Variants in ARHGAP15 observed in about 807,000 individuals in gnomAD.
ARHGAP15 encodes the protein rho GTPase-activating protein 15.
In ARHGAP15, 51 loss-of-function variants were observed where a neutral mutation model predicts 63.7. That is an observed-to-expected ratio of 0.80 (90% CI 0.64 to 1.01). ARHGAP15 has a LOEUF of 1.01. ARHGAP15 is among the 50% of genes least tolerant of loss of function. ARHGAP15 has a pLI of 0.00. For missense variants in ARHGAP15, 560 were observed against 564.6 expected, an observed-to-expected ratio of 0.99 and a Z score of 0.08; for synonymous variants, 191 against 193.8, an observed-to-expected ratio of 0.99 and a Z score of 0.12.
intron 12 of ARHGAP15, among the ~76,000 whole-genome samples, chr2:143,684,214 C>A (rs1683226542): frequency 6.6e-6 from 1 of 152,118 alleles, no homozygotes; most frequent in Non-Finnish European, 1.5e-5. Context: ...ATCGTTAACA[C>A]AAAACAAGCA....
At chr2:143,300,967 G>A (rs1682866452) in intron 6 of ARHGAP15, among the ~76,000 whole-genome samples, 1 of 151,942 alleles carries the variant, frequency 6.6e-6, no homozygotes, top group Non-Finnish European at 1.5e-5. Flanking sequence ...TAATGTGTAT[G>A]CAATGTCTGA....
At chr2:143,526,499 T>G (rs2105002891) in intron 10 of ARHGAP15, among the ~76,000 whole-genome samples, 2 of 152,234 alleles carry the variant, frequency 1.3e-5, no homozygotes, top group East Asian at 3.9e-4. Flanking sequence ...TTATTGTGTA[T>G]GGGGAATTTA....
At chr2:143,166,001 A>AGAAAGAAGGAAG (rs70982847) in intron 2 of ARHGAP15, among the ~76,000 whole-genome samples, 7,684 of 98,604 alleles carry the variant, frequency 0.078, 344 homozygotes, top group East Asian at 0.13. Context: ...AAAGAAAGAA[A>AGAAAGAAGGAAG]GAAGGAAGGA....
chr2:143,430,912 C>T (rs1445233770), intron 6 of ARHGAP15, among the ~76,000 whole-genome samples: 1 of 151,864 alleles, frequency 6.6e-6, no homozygotes, highest in African/African-American at 2.4e-5. Flanking sequence ...ATTTCAGTTT[C>T]ACTAAAATGG....
chr2:143,248,082 AAC>A (rs781015426), intron 5 of ARHGAP15, among the ~76,000 whole-genome samples: 65 of 152,332 alleles, frequency 4.3e-4, no homozygotes, highest in Non-Finnish European at 7.5e-4. Context: ...TAGTGGGGGA[AAC>A]ACAGACAGTC....
intron 6 of ARHGAP15, among the ~76,000 whole-genome samples, chr2:143,306,792 C>G (rs1048285205): frequency 3.9e-5 from 6 of 152,112 alleles, no homozygotes; most frequent in African/African-American, 1.4e-4. Flanking sequence ...CCATCCCTTT[C>G]CCCCAAATCC....
intron 2 of ARHGAP15, among the ~76,000 whole-genome samples, chr2:143,181,682 C>T (rs1691240105): frequency 6.6e-6 from 1 of 152,336 alleles, no homozygotes; most frequent in East Asian, 1.9e-4. Context: ...GGGTTAGGGC[C>T]TTGCCCTCAA....
chr2:143,622,518 T>C (rs1698680337), intron 11 of ARHGAP15, among the ~76,000 whole-genome samples: 1 of 152,124 alleles, frequency 6.6e-6, no homozygotes, highest in African/African-American at 2.4e-5. Context: ...TGTCGGCCTA[T>C]TTCAATAGTG....
chr2:143,395,874 G>T (rs1176980013), intron 6 of ARHGAP15, among the ~76,000 whole-genome samples: 1 of 151,892 alleles, frequency 6.6e-6, no homozygotes, highest in Non-Finnish European at 1.5e-5. Context: ...TTTTATCTAT[G>T]AACAGTGAGA....
chr2:143,391,221 C>G (rs1374069260), intron 6 of ARHGAP15, among the ~76,000 whole-genome samples: 1 of 152,132 alleles, frequency 6.6e-6, no homozygotes, highest in African/African-American at 2.4e-5. Context: ...GGCATTAATT[C>G]CCTCCTGTAC....
intron 12 of ARHGAP15, among the ~76,000 whole-genome samples, chr2:143,657,999 C>T (rs947204757): frequency 7.2e-5 from 11 of 152,210 alleles, no homozygotes; most frequent in African/African-American, 2.4e-4. Context: ...CATCCCTATG[C>T]GGCCACATCA....
chr2:143,390,201 C>T (rs895488771), intron 6 of ARHGAP15, among the ~76,000 whole-genome samples: 2 of 152,154 alleles, frequency 1.3e-5, no homozygotes, highest in African/African-American at 4.8e-5. Flanking sequence ...CACTTTCCCT[C>T]TCCTGCATAG....
At chr2:143,508,348 A>G (rs944007340) in intron 9 of ARHGAP15, among the ~76,000 whole-genome samples, 3 of 152,210 alleles carry the variant, frequency 2.0e-5, no homozygotes, top group Non-Finnish European at 4.4e-5. Flanking sequence ...GGCAACACCA[A>G]TAGCTCTCTG....
chr2:143,500,609 A>G (rs996285788), intron 9 of ARHGAP15, among the ~76,000 whole-genome samples: 1 of 152,226 alleles, frequency 6.6e-6, no homozygotes, highest in African/African-American at 2.4e-5. Context: ...GTCAATGTTT[A>G]CAAGAAAATG....
chr2:143,274,571 A>G (rs1191871876), intron 6 of ARHGAP15, among the ~76,000 whole-genome samples: 1 of 152,216 alleles, frequency 6.6e-6, no homozygotes, highest in African/African-American at 2.4e-5. Context: ...TAGCCTTGTT[A>G]TCAGGTTGTA....
intron 6 of ARHGAP15, among the ~76,000 whole-genome samples, chr2:143,308,138 G>A (rs1683262125): frequency 6.6e-6 from 1 of 152,096 alleles, no homozygotes; most frequent in Admixed American, 6.6e-5. Flanking sequence ...TGAGGTAGAG[G>A]AGAATGGAGA....
chr2:143,500,294 A>G (rs1033500271), intron 9 of ARHGAP15, among the ~76,000 whole-genome samples: 3 of 151,232 alleles, frequency 2.0e-5, no homozygotes, highest in Non-Finnish European at 4.4e-5. Context: ...TTATATAGCT[A>G]ACTGATTAAA....
intron 8 of ARHGAP15, among the ~76,000 whole-genome samples, chr2:143,480,503 G>A (rs1395354369): frequency 6.6e-6 from 1 of 152,144 alleles, no homozygotes; most frequent in Admixed American, 6.5e-5. Context: ...GTCTAAGTGG[G>A]AATTAAGTGG....
At chr2:143,144,190 G>A (rs1039568238) in intron 1 of ARHGAP15, among the ~76,000 whole-genome samples, 2 of 151,972 alleles carry the variant, frequency 1.3e-5, no homozygotes, top group East Asian at 1.9e-4. Context: ...TTAACTCTAT[G>A]TCTTTGATAC....
Sources: allele counts gnomAD v4.1 joint callset (sites outside exome capture counted in the v4.1 genomes callset), GRCh38; gene constraint gnomAD v4.1.1; transcripts MANE v1.5; gene names NCBI Gene and HGNC (gene_info 2026-07-23, HGNC 2026-07-21).